Variants in MTOR observed in about 807,000 individuals in gnomAD.
MTOR encodes the protein serine/threonine-protein kinase mTOR.
In MTOR, 70 loss-of-function variants were observed where a neutral mutation model predicts 319.8. The observed-to-expected ratio is 0.22, with a 90% confidence interval of 0.18 to 0.27. MTOR has a LOEUF of 0.27. Ranked by LOEUF, MTOR falls within the 10% of genes least tolerant of loss-of-function variation. The pLI is 1.00. For synonymous variants in MTOR, 1,183 were observed against 1,211.4 expected (o/e 0.98, Z 0.49); for missense variants, 1,890 against 3,274.4 (o/e 0.58, Z 10.32).
chr1:11,122,502 ATTTTTTTT>A (rs35016135), intron 47 of MTOR, among the ~76,000 whole-genome samples: 5 of 78,732 alleles, frequency 6.4e-5, no homozygotes, highest in East Asian at 3.6e-4. Flanking sequence ...ACCCAGCCCT[ATTTTTTTT>A]TTTTTTTTTT....
At chr1:11,164,243 G>A (rs1266008771) in intron 29 of MTOR, among the ~76,000 whole-genome samples, 3 of 150,416 alleles carry the variant, frequency 2.0e-5, no homozygotes, top group Non-Finnish European at 4.4e-5. Flanking sequence ...GCTGAGGCAG[G>A]AGAATTGCAT....
rs1306145648 is a variant in MTOR at position 11,199,362 on chromosome 1, C to A, written c.4149G>T (p.Leu1383=). ...CTCGGCACTTGGCAGCTCTCTCACC[C>A]AGCAGAACAATGCCATTGTCATCTC... ...PLRDDNGIVL[L]GERAAKCRAY... Residue 1383 remains leucine (L), a synonymous_variant, in exon 28 of 58, where the codon CTG becomes CTT. Coordinates refer to ENST00000361445, the MANE Select transcript of MTOR (RefSeq NM_004958.4). The surrounding 1 kb of genome is among the most constrained non-coding windows in gnomAD (Gnocchi z 4.5). 1 of 1,614,166 alleles carries A rather than the reference C, an allele frequency of 6.2e-7. No homozygotes were observed. Among genetic ancestry groups the A allele is most frequent in the Non-Finnish European group, 8.5e-7 (1 of 1,180,034 alleles).
At chr1:11,143,335 G>A (rs1392716504) in intron 34 of MTOR, among the ~76,000 whole-genome samples, 1 of 152,162 alleles carries the variant, frequency 6.6e-6, no homozygotes, top group Non-Finnish European at 1.5e-5. Context: ...TCTCCTCTAA[G>A]TCTACATTTG....
At chr1:11,163,961 C>CA (rs989657876) in intron 29 of MTOR, among the ~76,000 whole-genome samples, 3 of 152,046 alleles carry the variant, frequency 2.0e-5, no homozygotes, top group African/African-American at 7.2e-5. Context: ...GACAGAGACA[C>CA]AAAAAACCCT....
chr1:11,136,415 C>A (rs749399624), intron 36 of MTOR, among the ~76,000 whole-genome samples: 34 of 152,232 alleles, frequency 2.2e-4, no homozygotes, highest in Middle Eastern at 3.2e-3. Context: ...CCATTACTCA[C>A]CACCAACTTT....
intron 28 of MTOR, chr1:11,192,285 G>A (rs1645569709): frequency 6.2e-7 from 1 of 1,613,638 alleles, no homozygotes; most frequent in East Asian, 2.2e-5. Context: ...ATCTACGACT[G>A]CTCTTCCCTC....
intron 28 of MTOR, among the ~76,000 whole-genome samples, chr1:11,184,321 A>G (rs1430313094): frequency 1.3e-5 from 2 of 152,232 alleles, no homozygotes; most frequent in Non-Finnish European, 2.9e-5. Context: ...TAAGAACTCA[A>G]GTGCTATATG....
chr1:11,184,658 G>A (rs994403269), intron 28 of MTOR, among the ~76,000 whole-genome samples: 7 of 152,068 alleles, frequency 4.6e-5, no homozygotes, highest in Non-Finnish European at 1.0e-4. Context: ...TTCAGCTCAC[G>A]AGTTCCAGGT....
At chr1:11,227,441 A>G (rs1366406963) in intron 19 of MTOR, among the ~76,000 whole-genome samples, 1 of 152,212 alleles carries the variant, frequency 6.6e-6, no homozygotes, top group Non-Finnish European at 1.5e-5. Flanking sequence ...CTCTAAATGT[A>G]CATCATGTTG....
chr1:11,130,898 A>C, intron 38 of MTOR, 121 bp from the exon 39 acceptor site: 1 of 1,303,716 alleles, frequency 7.7e-7, no homozygotes, highest in Admixed American at 2.5e-5. Flanking sequence ...CCATAAAGCA[A>C]ACACTTCAAG....
At chr1:11,166,177 T>C (rs1395797089) in intron 29 of MTOR, among the ~76,000 whole-genome samples, 6 of 152,264 alleles carry the variant, frequency 3.9e-5, no homozygotes, top group Middle Eastern at 6.8e-3. Flanking sequence ...ATTCAGGACA[T>C]AGGCATGGGC....
chr1:11,243,399 A>G, intron 8 of MTOR, 99 bp from the exon 9 acceptor site: 1 of 1,190,214 alleles, frequency 8.4e-7, no homozygotes, highest in Non-Finnish European at 1.2e-6. Context: ...TTAAGAATAA[A>G]TTAAGAAAGT....
chr1:11,238,764 T>C (rs968719184), intron 11 of MTOR, 147 bp from the exon 12 acceptor site: 3 of 604,628 alleles, frequency 5.0e-6, no homozygotes, highest in Non-Finnish European at 8.2e-6. Flanking sequence ...CCCGGAACTC[T>C]TCTTTTTTTT....
rs1257748628 is a variant in MTOR, at chr1:11,145,036, T to C, written c.4696A>G (p.Lys1566Glu). ...LFSLAQQCID[K>E]ARDLLDAELT... is the part of the protein sequence containing the mutation. ...TCAGCATCCAGCAGGTCCCTGGCCT[T>C]GTCAATGCACTAGAAGAGAAACAAC... is the stretch of plus-strand genomic sequence containing the variant. Residue 1566 changes from lysine (K) to glutamate (E), a missense_variant, in exon 33 of 58, where the codon AAG becomes GAG. By Grantham distance (56) the Lys-to-Glu change is moderately conservative (BLOSUM62 1). Around this residue, in one of 15 missense-constraint regions of MTOR, gnomAD observed 276 missense variants for 459.4 expected, o/e 0.60. Transcript: ENST00000361445. 6.2e-7 allele frequency: 1 copy of C among 1,614,128 alleles called. No individual in the cohort carries two copies. Among genetic ancestry groups the C allele is most frequent in the Non-Finnish European group, 8.5e-7 (1 of 1,180,000 alleles).
intron 26 of MTOR, among the ~76,000 whole-genome samples, chr1:11,201,020 A>T (rs1313608714): frequency 1.3e-5 from 2 of 151,952 alleles, no homozygotes; most frequent in Non-Finnish European, 2.9e-5. Flanking sequence ...GTTTCAAAAA[A>T]AAAAAAAAAA....
At chr1:11,144,894 C>T (rs1375808876) in intron 33 of MTOR, 74 bp downstream of exon 33, 2 of 1,560,254 alleles carry the variant, frequency 1.3e-6, no homozygotes. Context: ...CCTGTAAGTT[C>T]TCAATAGCCC....
intron 28 of MTOR, among the ~76,000 whole-genome samples, chr1:11,176,699 C>G (rs2100650712): frequency 6.6e-6 from 1 of 152,322 alleles, no homozygotes; most frequent in South Asian, 2.1e-4. Flanking sequence ...TGGGTCCTAA[C>G]CACTGTATCA....
At chr1:11,209,546 CCTGGTAGAGCCAGGAT>C in intron 24 of MTOR, 88 bp from the exon 25 acceptor site, 1 of 1,472,000 alleles carries the variant, frequency 6.8e-7, no homozygotes, top group Non-Finnish European at 9.3e-7. Flanking sequence ...GAGGTGCAGA[CCTGGTAGAGCCAGGAT>C]TTCAGTAAGA....
At chr1:11,223,968 G>C (rs967324043) in intron 19 of MTOR, among the ~76,000 whole-genome samples, 2 of 150,222 alleles carry the variant, frequency 1.3e-5, no homozygotes, top group Non-Finnish European at 3.0e-5. Context: ...GAACCCAAGA[G>C]GCAGAGGTTG....
Sources: allele counts gnomAD v4.1 joint callset (sites outside exome capture counted in the v4.1 genomes callset), GRCh38; gene constraint gnomAD v4.1.1; regional missense constraint gnomAD v4.1.1; non-coding constraint Gnocchi (gnomAD v3.1); transcripts MANE v1.5; gene names NCBI Gene and HGNC (gene_info 2026-07-23, HGNC 2026-07-21).